The following FAM13A variants were observed in gnomAD, a reference collection of about 807,000 sequenced individuals.
FAM13A encodes the protein protein FAM13A.
In FAM13A, 76 loss-of-function variants were observed where a neutral mutation model predicts 129.6. The observed-to-expected ratio is 0.59, with a 90% CI of 0.49 to 0.71. The LOEUF is 0.71. Ranked by LOEUF, FAM13A falls within the 30% of genes least tolerant of loss-of-function variation. The pLI is 0.00. For synonymous variants in FAM13A, 443 were observed against 449.9 expected (o/e 0.98, Z 0.20); for missense variants, 1,108 against 1,249.3 (o/e 0.89, Z 1.70).
chr4:89,034,472 G>A (rs1588730), intron 1 of FAM13A, among the ~76,000 whole-genome samples: 33,511 of 152,186 alleles, frequency 0.22, 4,195 homozygotes, highest in Middle Eastern at 0.37. Flanking sequence ...TATGCTGTTG[G>A]TAAGAATGTA....
At chr4:88,800,869 T>C (rs1029651695) in intron 8 of FAM13A, among the ~76,000 whole-genome samples, 1 of 152,144 alleles carries the variant, frequency 6.6e-6, no homozygotes, top group Non-Finnish European at 1.5e-5. Flanking sequence ...TTCCACTTCT[T>C]AGTAGCCTAA....
chr4:88,889,223 T>C (rs1378066486), intron 6 of FAM13A, among the ~76,000 whole-genome samples: 2 of 152,194 alleles, frequency 1.3e-5, no homozygotes, highest in Admixed American at 6.5e-5. Context: ...ACTGTCCCAT[T>C]TGTATACTGC....
rs371647354 is a variant in FAM13A at position 88,787,754 on chromosome 4, T to C, written c.1270A>G (p.Lys424Glu). 8 of 1,610,910 alleles carry C rather than the reference T, an allele frequency of 5.0e-6. No homozygotes were observed. The African/African-American group carries it at 9.4e-5, about 19-fold the overall frequency. Residue 424 changes from lysine (K) to glutamate (E), a missense_variant and splice_region_variant, in exon 10 of 24, where the codon AAG becomes GAG. Lys to Glu is a moderately conservative substitution (Grantham distance 56). Coordinates refer to ENST00000264344, the MANE Select transcript of FAM13A (RefSeq NM_014883.4). ...GAGGAAGAATCAATGCCAACTCACT[T>C]GTCTCTCCCATGTCGAACTTCATCC... ...EQDEVRHGRDKGLINKENTPS... is the reference protein window; with the variant it reads ...EQDEVRHGRDEGLINKENTPS...
intron 4 of FAM13A, 88 bp downstream of exon 4, chr4:88,990,885 A>T: frequency 9.9e-7 from 1 of 1,011,274 alleles, no homozygotes; most frequent in South Asian, 1.6e-5. Flanking sequence ...TTCAGACTGA[A>T]ATATGCTTCT....
chr4:88,989,318 T>C (rs1477552096), intron 4 of FAM13A, among the ~76,000 whole-genome samples: 1 of 152,100 alleles, frequency 6.6e-6, no homozygotes, highest in Non-Finnish European at 1.5e-5. Context: ...AAAACCTGAG[T>C]TGGCCAGGCA....
intron 14 of FAM13A, among the ~76,000 whole-genome samples, chr4:88,756,428 G>A (rs1189822092): frequency 1.3e-5 from 2 of 152,124 alleles, no homozygotes; most frequent in East Asian, 1.9e-4. Context: ...GCTGGTGCTC[G>A]CCTCTGCAGT....
At chr4:88,902,310 A>G (rs1380252883) in intron 6 of FAM13A, among the ~76,000 whole-genome samples, 2 of 152,166 alleles carry the variant, frequency 1.3e-5, no homozygotes, top group African/African-American at 4.8e-5. Flanking sequence ...ACAAAAAAAG[A>G]AAACTTCAGG....
chr4:88,739,661 G>A (rs942564329), intron 19 of FAM13A, among the ~76,000 whole-genome samples: 2 of 150,456 alleles, frequency 1.3e-5, no homozygotes, highest in Non-Finnish European at 3.0e-5. Flanking sequence ...GGTGGTGGGT[G>A]CCTGTAGTCC....
At chr4:88,861,465 C>T (rs1462999179) in intron 6 of FAM13A, among the ~76,000 whole-genome samples, 1 of 149,980 alleles carries the variant, frequency 6.7e-6, no homozygotes, top group Non-Finnish European at 1.5e-5. Flanking sequence ...TAATAAATGA[C>T]AGAAGTGAGA....
chr4:88,920,837 A>C (rs1750944734), intron 5 of FAM13A, among the ~76,000 whole-genome samples: 1 of 152,212 alleles, frequency 6.6e-6, no homozygotes, highest in Non-Finnish European at 1.5e-5. Flanking sequence ...TAGAATAATC[A>C]ATAGAGAGAA....
At chr4:88,878,140 A>G (rs1401697364) in intron 6 of FAM13A, among the ~76,000 whole-genome samples, 3 of 151,984 alleles carry the variant, frequency 2.0e-5, no homozygotes, top group Non-Finnish European at 4.4e-5. Flanking sequence ...AATACAAAAA[A>G]TTAGCCAGGC....
intron 11 of FAM13A, among the ~76,000 whole-genome samples, chr4:88,772,028 C>T (rs1345473152): frequency 6.6e-6 from 1 of 152,174 alleles, no homozygotes; most frequent in Admixed American, 6.5e-5. Context: ...TGTTTGACCA[C>T]TGACTGAAGC....
At chr4:88,788,003 T>A in intron 9 of FAM13A, 71 bp from the exon 10 acceptor site, 2 of 1,293,684 alleles carry the variant, frequency 1.5e-6, no homozygotes, top group Non-Finnish European at 2.2e-6. Context: ...AATCTGTGCC[T>A]ACAGTTTTGG....
chr4:88,892,173 C>CTTTTT (rs1183640454), intron 6 of FAM13A, among the ~76,000 whole-genome samples: 11 of 67,906 alleles, frequency 1.6e-4, no homozygotes, highest in African/African-American at 5.5e-4. Context: ...AAGATCCTGT[C>CTTTTT]TTTTTTTTTT....
At position 88,849,174 on chromosome 4, in the gene FAM13A, A is replaced by G. The variant is rs2149976818; in HGVS notation, c.1007+1846T>C. On this transcript the variant is annotated intron_variant, in intron 7 of 23. Transcript: ENST00000264344. ...CTTTAAGGCAAATTATTGAATTTTC[A>G]TTCATTCATCTTCTATCTCCCCAAG... Among the ~76,000 whole-genome samples, 4 of 152,332 alleles carry G rather than the reference A, an allele frequency of 2.6e-5. 1 individual carries two copies. In the Middle Eastern group the frequency reaches 0.01, roughly 389 times the overall value.
intron 11 of FAM13A, among the ~76,000 whole-genome samples, chr4:88,769,737 CAGG>C (rs1230398790): frequency 6.6e-6 from 1 of 151,754 alleles, no homozygotes; most frequent in African/African-American, 2.4e-5. Flanking sequence ...GAGGCTGAGG[CAGG>C]AGAATTGCTT....
chr4:88,818,406 C>G (rs1198431217), intron 7 of FAM13A, among the ~76,000 whole-genome samples: 1 of 152,118 alleles, frequency 6.6e-6, no homozygotes, highest in African/African-American at 2.4e-5. Context: ...TCATATATGG[C>G]CAGCTAGCTG....
rs186750345 is a variant in FAM13A, at chr4:89,023,141, C to T, written c.218-2472G>A. 1.1e-4 allele frequency among the ~76,000 whole-genome samples: 17 copies of T among 152,276 alleles called. No homozygotes were observed. The South Asian group carries it at 3.5e-3, about 32-fold the overall frequency. On this transcript the variant is annotated intron_variant, in intron 2 of 23. Transcript: ENST00000264344. Reference sequence around the variant, plus strand: ...GGTAACGAATACGATACGCCTTTCCCTTAAGTTCTGTGGAATATCAGGTTC... The same window carrying T: ...GGTAACGAATACGATACGCCTTTCCTTTAAGTTCTGTGGAATATCAGGTTC...
intron 7 of FAM13A, among the ~76,000 whole-genome samples, chr4:88,841,120 G>A (rs1278592495): frequency 6.6e-6 from 1 of 152,138 alleles, no homozygotes; most frequent in Non-Finnish European, 1.5e-5. Flanking sequence ...TATTAGATGT[G>A]TCATCAACTT....
Sources: gnomAD v4.1 joint callset for allele counts (sites outside exome capture counted in the v4.1 genomes callset) on GRCh38, gnomAD v4.1.1 for gene constraint, MANE v1.5 for transcripts, NCBI Gene and HGNC (gene_info 2026-07-23, HGNC 2026-07-21) for gene names.